Variants in GPHN observed in about 807,000 individuals in gnomAD.
GPHN encodes gephyrin.
Under a neutral mutation model 95.5 loss-of-function variants are expected in GPHN, and 17 were observed. The ratio of observed to expected loss-of-function variants is 0.18; its 90% CI spans 0.12 to 0.27. The LOEUF is 0.27. GPHN is among the 10% of genes least tolerant of loss of function. The pLI, the probability that GPHN is intolerant of heterozygous loss-of-function variation, is 1.00. For synonymous variants in GPHN, 320 were observed against 322.5 expected, an observed-to-expected ratio of 0.99 and a Z score of 0.08; for missense variants, 660 against 978.1, an observed-to-expected ratio of 0.67 and a Z score of 4.34.
the GPHN span, among the ~76,000 whole-genome samples, chr14:67,326,630 C>T: frequency 1.3e-5 from 2 of 151,760 alleles, no homozygotes; most frequent in African/African-American, 4.8e-5. Flanking sequence ...AAGTTAATAC[C>T]CCTCCATTCT....
At chr14:66,785,253 C>T (rs564800038) in intron 3 of GPHN, among the ~76,000 whole-genome samples, 7 of 152,276 alleles carry the variant, frequency 4.6e-5, no homozygotes, top group East Asian at 1.9e-4. Context: ...GTAGTCCCCA[C>T]GACTCAGGAG....
the GPHN span, among the ~76,000 whole-genome samples, chr14:67,718,524 C>A: frequency 6.6e-6 from 1 of 152,178 alleles, no homozygotes; most frequent in Non-Finnish European, 1.5e-5. Flanking sequence ...CAGTGTTAGC[C>A]CTGGGAGGAT....
At chr14:67,588,506 C>A in the GPHN span, 47 of 152,092 alleles carry the variant, frequency 3.1e-4, no homozygotes, top group African/African-American at 1.1e-3. Context: ...TTTCTTTCAT[C>A]TTTTGCCTTA....
intron 2 of GPHN, among the ~76,000 whole-genome samples, chr14:66,703,415 A>G (rs1443441444): frequency 6.6e-6 from 1 of 152,218 alleles, no homozygotes; most frequent in Non-Finnish European, 1.5e-5. Context: ...GTCACCTACA[A>G]AGGAAGCCCG....
At chr14:67,289,766 GT>G in the GPHN span, among the ~76,000 whole-genome samples, 1 of 136,572 alleles carries the variant, frequency 7.3e-6, no homozygotes, top group Admixed American at 7.4e-5. Flanking sequence ...TTTTTTCCAT[GT>G]CCTTTTTTTT....
chr14:66,656,176 A>G (rs148218033), intron 1 of GPHN, among the ~76,000 whole-genome samples: 6 of 152,224 alleles, frequency 3.9e-5, no homozygotes, highest in Admixed American at 2.0e-4. Flanking sequence ...GAATTGGTGT[A>G]AATTTTGTGA....
At chr14:66,704,997 A>G (rs1406461162) in intron 2 of GPHN, among the ~76,000 whole-genome samples, 1 of 152,214 alleles carries the variant, frequency 6.6e-6, no homozygotes. Flanking sequence ...CCACTGATCC[A>G]ACAGAGATAC....
chr14:66,770,110 G>T (rs2059112905), intron 2 of GPHN, among the ~76,000 whole-genome samples: 1 of 152,044 alleles, frequency 6.6e-6, no homozygotes, highest in Non-Finnish European at 1.5e-5. Context: ...ATGATTGTTG[G>T]CTGTATGTAT....
At chr14:67,334,278 G>C in the GPHN span, 2 of 152,576 alleles carry the variant, frequency 1.3e-5, no homozygotes, top group Non-Finnish European at 2.9e-5. Context: ...TGTCTCTATA[G>C]CTGTAGCTTT....
chr14:67,058,603 TCA>T (rs2075698455), intron 10 of GPHN, 44 bp from the exon 11 acceptor site: 1 of 1,549,328 alleles, frequency 6.5e-7, no homozygotes, highest in Admixed American at 1.7e-5. Context: ...CACTTTTTAA[TCA>T]GTGTTACAGC....
chr14:66,884,465 A>C (rs545588871), intron 5 of GPHN, among the ~76,000 whole-genome samples: 5 of 152,134 alleles, frequency 3.3e-5, no homozygotes, highest in Non-Finnish European at 7.4e-5. Context: ...ATTTACTAGC[A>C]GTGTTACCTT....
chr14:67,182,653 T>C (rs1595524665), downstream of GPHN, among the ~76,000 whole-genome samples: 1 of 152,234 alleles, frequency 6.6e-6, no homozygotes, highest in Middle Eastern at 3.4e-3. Context: ...CAAACATGAA[T>C]AGGGCAGAGC....
At chr14:66,716,578 TTTTG>T (rs933663109) in intron 2 of GPHN, among the ~76,000 whole-genome samples, 1 of 152,138 alleles carries the variant, frequency 6.6e-6, no homozygotes, top group African/African-American at 2.4e-5. Flanking sequence ...TTTTGTTTTG[TTTTG>T]TTTGCTTTTT....
chr14:67,473,420 TCA>T, the GPHN span: 1 of 1,612,888 alleles, frequency 6.2e-7, no homozygotes. The surrounding 1 kb of genome is among the most constrained non-coding windows in gnomAD (Gnocchi z 6.5). Flanking sequence ...CGCTTCCTGC[TCA>T]GTCAGTCTTG....
At chr14:66,837,652 A>AATAG (rs1439595719) in intron 4 of GPHN, among the ~76,000 whole-genome samples, 1 of 138,992 alleles carries the variant, frequency 7.2e-6, no homozygotes, top group African/African-American at 2.9e-5. Context: ...TAAATAAATA[A>AATAG]ATAAAAAGAC....
At chr14:66,900,636 G>A (rs1435611277) in intron 5 of GPHN, among the ~76,000 whole-genome samples, 1 of 151,648 alleles carries the variant, frequency 6.6e-6, no homozygotes, top group Non-Finnish European at 1.5e-5. Flanking sequence ...GGGAGAACTT[G>A]CGACATTCTT....
chr14:66,739,761 T>A (rs961574453), intron 2 of GPHN, among the ~76,000 whole-genome samples: 2 of 152,000 alleles, frequency 1.3e-5, no homozygotes, highest in African/African-American at 4.8e-5. Context: ...TCAGAAACAC[T>A]AAGCAGCTGA....
the GPHN span, among the ~76,000 whole-genome samples, chr14:67,325,982 T>TC: frequency 6.9e-6 from 1 of 144,062 alleles, no homozygotes; most frequent in African/African-American, 2.6e-5. Context: ...CTCTTTTCTT[T>TC]TTTTTTTTTT....
At chr14:66,899,119 TTTC>T (rs1306211604) in intron 5 of GPHN, among the ~76,000 whole-genome samples, 72 of 130,862 alleles carry the variant, frequency 5.5e-4, no homozygotes, top group Non-Finnish European at 5.7e-4. Flanking sequence ...AGGAGGGCTT[TTTC>T]TTTTTTTTTT....
Sources: allele counts gnomAD v4.1 joint callset (sites outside exome capture counted in the v4.1 genomes callset), GRCh38; gene constraint gnomAD v4.1.1; non-coding constraint Gnocchi (gnomAD v3.1); transcripts MANE v1.5; gene names NCBI Gene and HGNC (gene_info 2026-07-23, HGNC 2026-07-21).